Variants in IL26 observed in about 807,000 individuals in gnomAD.
IL26 encodes the protein interleukin 26.
Under a neutral mutation model 21.7 loss-of-function variants are expected in IL26, and 23 were observed. The observed-to-expected ratio is 1.06, with a 90% CI of 0.76 to 1.50. The LOEUF (loss-of-function observed/expected upper bound fraction) is 1.50. Among genes scored for constraint, IL26 ranks in the 40% most tolerant of loss-of-function variants. IL26 has a pLI of 0.00. For synonymous variants in IL26, 63 were observed against 67.8 expected (o/e 0.93, Z 0.34); for missense variants, 204 against 196.0 (o/e 1.04, Z -0.24).
chr12:68,211,421 C>A (rs1250091696), intron 3 of IL26, among the ~76,000 whole-genome samples: 3 of 152,124 alleles, frequency 2.0e-5, no homozygotes, highest in African/African-American at 7.2e-5. Flanking sequence ...GGATATATAT[C>A]CAGTAGTGAG....
At chr12:68,206,646 A>G (rs976862957) in intron 3 of IL26, among the ~76,000 whole-genome samples, 2 of 152,350 alleles carry the variant, frequency 1.3e-5, no homozygotes, top group Non-Finnish European at 2.9e-5. Context: ...AGTCCTGATC[A>G]TAAACCTGAC....
intron 3 of IL26, among the ~76,000 whole-genome samples, chr12:68,214,897 TATTTCATTTTG>T (rs1868831987): frequency 6.8e-6 from 1 of 147,130 alleles, no homozygotes. Flanking sequence ...TTTTTTTTTT[TATTTCATTTTG>T]TTTTTTTTAA....
At chr12:68,211,440 A>G (rs900967930) in intron 3 of IL26, among the ~76,000 whole-genome samples, 26 of 152,282 alleles carry the variant, frequency 1.7e-4, no homozygotes, top group African/African-American at 6.0e-4. Flanking sequence ...AGATTGCTGA[A>G]TCACATGGTA....
chr12:68,202,677 C>T (rs1176749403), intron 3 of IL26, among the ~76,000 whole-genome samples: 1 of 152,098 alleles, frequency 6.6e-6, no homozygotes, highest in Non-Finnish European at 1.5e-5. Context: ...CCCCATGATC[C>T]AATCACCTCC....
intron 3 of IL26, among the ~76,000 whole-genome samples, chr12:68,208,819 A>G (rs556159054): frequency 2.0e-5 from 3 of 152,284 alleles, no homozygotes; most frequent in South Asian, 4.1e-4. Flanking sequence ...AATGAGCTCT[A>G]TGAGGACAGA....
rs1464377135 is a variant in IL26, at chr12:68,225,265, C to G, written c.247G>C (p.Glu83Gln). Residue 83 changes from glutamate (E) to glutamine (Q), a missense_variant, in exon 3 of 5, where the codon GAA becomes CAA. Glu to Gln is a conservative substitution (Grantham distance 29). Transcript: ENST00000229134. ...TCCATGAAGAAGGACAGAAGCTGTT[C>G]TTGAAATTGACAGTTTTTCTAAAAA... ...KQFMKNCQFQ[E>Q]QLLSFFMEDV... The G allele has an allele frequency of 1.9e-6, 3 of 1,603,724 alleles. No individual in the cohort carries two copies. In the Admixed American group the frequency reaches 5.2e-5, roughly 28 times the overall value.
chr12:68,207,312 C>T (rs2120429551), intron 3 of IL26, among the ~76,000 whole-genome samples: 1 of 152,260 alleles, frequency 6.6e-6, no homozygotes, highest in Middle Eastern at 3.4e-3. Flanking sequence ...GGGAGCACTT[C>T]CAGCATCACC....
At position 68,225,635 on chromosome 12, in the gene IL26, G is replaced by A; in HGVS notation, c.122C>T (p.Ala41Val). The change falls in exon 1 of 5, where the codon GCT (alanine) becomes GTT (valine). Residue 41 changes from alanine (A) to valine (V), a missense_variant. Ala to Val is a moderately conservative substitution (Grantham distance 64). Coordinates refer to ENST00000229134, the MANE Select transcript of IL26 (RefSeq NM_018402.2). ...SCYPRGTLSQ[A>V]VDALYIKAAW... is the part of the protein sequence containing the mutation. ...TGCTTTGATATAGAGAGCGTCAACA[G>A]CTTGGGACAATGTTCCCCTTGGGTA... 6.2e-7 allele frequency: 1 copy of A among 1,614,092 alleles called. No individual in the cohort carries two copies. The highest frequency in any genetic ancestry group is 8.5e-7 in the Non-Finnish European group (1 of 1,179,948).
At chr12:68,205,463 G>C (rs1868513347) in intron 3 of IL26, among the ~76,000 whole-genome samples, 1 of 152,068 alleles carries the variant, frequency 6.6e-6, no homozygotes, top group African/African-American at 2.4e-5. Flanking sequence ...CTGTAGAAAA[G>C]ACAATGTAAC....
chr12:68,201,385 T>C lies in IL26; in HGVS notation c.*460A>G, dbSNP rs1002185910. ...CCAATTTATTTAATTAAAATCAAAATGTGTTAAGTACTAAGTTCACACTGG... is the reference window on the plus strand; with the variant it reads ...CCAATTTATTTAATTAAAATCAAAACGTGTTAAGTACTAAGTTCACACTGG... On this transcript the variant is annotated 3_prime_UTR_variant, in exon 5 of 5. Coordinates refer to ENST00000229134, the MANE Select transcript of IL26 (RefSeq NM_018402.2). The C allele has an allele frequency of 6.5e-6, 1 of 152,866 alleles. No homozygotes were observed. Among genetic ancestry groups the C allele is most frequent in the African/African-American group, 2.4e-5 (1 of 41,472 alleles). 9.5% of individuals were successfully genotyped at this position (152,866 alleles called of 1,614,324 possible).
chr12:68,215,511 T>C (rs1868850684), intron 3 of IL26, among the ~76,000 whole-genome samples: 1 of 152,198 alleles, frequency 6.6e-6, no homozygotes, highest in Non-Finnish European at 1.5e-5. Context: ...GAAGGGATAG[T>C]GAAGCCAGCT....
chr12:68,225,545 T>C (rs759982822), intron 1 of IL26, 41 bp downstream of exon 1: 2 of 1,608,592 alleles, frequency 1.2e-6, no homozygotes, highest in South Asian at 1.1e-5. Context: ...AGATTGTAAA[T>C]GTCCTTGAGG....
chr12:68,216,281 C>G (rs2120457502), intron 3 of IL26, among the ~76,000 whole-genome samples: 1 of 152,078 alleles, frequency 6.6e-6, no homozygotes, highest in South Asian at 2.1e-4. Context: ...CACAGCAAGA[C>G]TCCGTCTCAT....
chr12:68,201,906 G>T lies in IL26; in HGVS notation c.455C>A (p.Ala152Asp). The T allele has an allele frequency of 6.2e-7, 1 of 1,603,838 alleles. No individual in the cohort carries two copies. The highest frequency in any genetic ancestry group is 8.5e-7 in the Non-Finnish European group (1 of 1,176,798). Residue 152 changes from alanine (A) to aspartate (D), a missense_variant, in exon 5 of 5, where the codon GCC (alanine) becomes GAC (aspartate). Coordinates refer to ENST00000229134, the MANE Select transcript of IL26 (RefSeq NM_018402.2). Reference sequence around the variant, plus strand: ...AAGAAGAATATCCAGTTCACTGATGGCTTTGTAGATTCCTTTGTTTCCAAT... The same window carrying T: ...AAGAAGAATATCCAGTTCACTGATGTCTTTGTAGATTCCTTTGTTTCCAAT... ...YRIGNKGIYK[A>D]ISELDILLSW...
chr12:68,204,698 A>T (rs996603091), intron 3 of IL26, among the ~76,000 whole-genome samples: 2 of 149,608 alleles, frequency 1.3e-5, no homozygotes, highest in African/African-American at 2.5e-5. Flanking sequence ...AAAAAAAAAA[A>T]CTAGCAGTGC....
At chr12:68,224,907 T>C (rs1423010475) in intron 3 of IL26, among the ~76,000 whole-genome samples, 1 of 152,246 alleles carries the variant, frequency 6.6e-6, no homozygotes, top group Non-Finnish European at 1.5e-5. Context: ...CCATGTCATG[T>C]TACTTTAGCT....
chr12:68,223,035 T>G (rs566449118), intron 3 of IL26, among the ~76,000 whole-genome samples: 1 of 152,304 alleles, frequency 6.6e-6, no homozygotes, highest in Admixed American at 6.5e-5. Flanking sequence ...CAGTTTCTGC[T>G]GCCAGAAATA....
intron 3 of IL26, among the ~76,000 whole-genome samples, chr12:68,203,681 A>G (rs1868450553): frequency 6.6e-6 from 1 of 152,204 alleles, no homozygotes; most frequent in African/African-American, 2.4e-5. Context: ...CAAAATGCTG[A>G]GGTCAACCAA....
chr12:68,222,527 A>G (rs1869083266), intron 3 of IL26, among the ~76,000 whole-genome samples: 1 of 152,218 alleles, frequency 6.6e-6, no homozygotes, highest in Non-Finnish European at 1.5e-5. Flanking sequence ...CTATAGCATC[A>G]TACTAACCTA....
Sources: allele counts gnomAD v4.1 joint callset (sites outside exome capture counted in the v4.1 genomes callset), GRCh38; gene constraint gnomAD v4.1.1; transcripts MANE v1.5; gene names NCBI Gene and HGNC (gene_info 2026-07-23, HGNC 2026-07-21).